The following GOLGA3 variants were observed in gnomAD, a reference collection of about 807,000 sequenced individuals.
GOLGA3 encodes golgin subfamily A member 3.
In GOLGA3, 75 loss-of-function variants were observed where a neutral mutation model predicts 169.4. That is an observed-to-expected ratio of 0.44 (90% CI 0.37 to 0.54). The LOEUF (loss-of-function observed/expected upper bound fraction) is 0.54, where lower values mean the gene tolerates loss of function less well. Ranked by LOEUF, GOLGA3 falls within the 20% of genes least tolerant of loss-of-function variation. The pLI is 0.00. For synonymous variants in GOLGA3, 824 were observed against 822.4 expected (o/e 1.00, Z -0.03); for missense variants, 1,899 against 1,930.0 (o/e 0.98, Z 0.30).
chr12:132,787,684 C>A (rs531282208), intron 13 of GOLGA3, among the ~76,000 whole-genome samples: 1,605 of 36,356 alleles, frequency 0.044, 60 homozygotes, highest in South Asian at 0.056. Flanking sequence ...CCCGGAGACC[C>A]CGGGACCCCT....
In GOLGA3 at chr12:132,775,129, G is replaced by T; in HGVS notation, c.4143+12C>A. 1 of 1,609,994 alleles carries T rather than the reference G, an allele frequency of 6.2e-7. No individual in the cohort carries two copies. The highest frequency in any genetic ancestry group is 1.1e-5 in the South Asian group (1 of 90,774). On this transcript the variant is annotated intron_variant, in intron 22 of 23. Transcript: ENST00000450791. ...ACGTCGGCTACCCCGGGAGGGACGC[G>T]GGCCTGAGTACCGTCTTGGCCGCGC...
Position 132,796,068 on chromosome 12 carries a change from C to G in GOLGA3, c.2253G>C (p.Gln751His). 2 of 1,613,028 alleles carry G rather than the reference C, an allele frequency of 1.2e-6. No homozygotes were observed. The highest frequency in any genetic ancestry group is 1.1e-5 in the South Asian group (1 of 91,086). ...CGCCCTGCAGCTCCCCCAGCCTGGCCTGCAGCTCATCGTAGTGTGTCTGCA... is the reference window on the plus strand; with the variant it reads ...CGCCCTGCAGCTCCCCCAGCCTGGCGTGCAGCTCATCGTAGTGTGTCTGCA... ...DALQTHYDEL[Q>H]ARLGELQGEA... The change falls in exon 11 of 24, where the codon CAG (glutamine) becomes CAC (histidine). Residue 751 changes from glutamine to histidine, a missense_variant. Transcript: ENST00000450791.
At chr12:132,776,903 C>A in intron 20 of GOLGA3, 55 bp downstream of exon 20, 1 of 1,547,204 alleles carries the variant, frequency 6.5e-7, no homozygotes, top group Non-Finnish European at 8.7e-7. Flanking sequence ...GGAGTGAAGT[C>A]ACCCAGGGCA....
At chr12:132,787,991 G>A (rs1041138529) in intron 13 of GOLGA3, among the ~76,000 whole-genome samples, 5 of 151,912 alleles carry the variant, frequency 3.3e-5, no homozygotes, top group South Asian at 2.1e-4. Context: ...TCCTGCCCTC[G>A]CAGCCTTTCC....
intron 8 of GOLGA3, among the ~76,000 whole-genome samples, chr12:132,799,329 A>T (rs902437763): frequency 6.6e-6 from 1 of 152,202 alleles, no homozygotes; most frequent in African/African-American, 2.4e-5. Context: ...TGATTAAGGA[A>T]TGCTGAACCT....
rs1221899942 is a variant in GOLGA3, at chr12:132,774,337, A to G, written c.4144-17T>C. 6.8e-6 allele frequency: 11 copies of G among 1,609,598 alleles called. No homozygotes were observed. Among genetic ancestry groups the G allele is most frequent in the Middle Eastern group, 1.7e-4 (1 of 6,034 alleles). On this transcript the variant is annotated splice_polypyrimidine_tract_variant and intron_variant, in intron 22 of 23. Transcript: ENST00000450791. ...CTCCTTTCTCTGTTTTTAAAAGCAC[A>G]TGATCAGCTTTCCCACCGTCCCCTC...
At chr12:132,800,061 C>G (rs1427872840) in intron 8 of GOLGA3, among the ~76,000 whole-genome samples, 1 of 152,152 alleles carries the variant, frequency 6.6e-6, no homozygotes, top group Non-Finnish European at 1.5e-5. Context: ...TTCTAAAATA[C>G]ACCTGGCTTG....
intron 8 of GOLGA3, among the ~76,000 whole-genome samples, chr12:132,798,694 G>A (rs1358120734): frequency 2.0e-5 from 3 of 152,142 alleles, no homozygotes; most frequent in African/African-American, 2.4e-5. Context: ...ATCAGCCAGC[G>A]CTCATCATGC....
At chr12:132,826,091 T>C (rs762924482) in intron 1 of GOLGA3, 1 of 1,466,162 alleles carries the variant, frequency 6.8e-7, no homozygotes. Context: ...AGTGGGCGAG[T>C]GCCGGCCTTG....
intron 7 of GOLGA3, among the ~76,000 whole-genome samples, chr12:132,802,189 A>G (rs1312831548): frequency 1.3e-5 from 2 of 152,282 alleles, no homozygotes; most frequent in Non-Finnish European, 2.9e-5. Flanking sequence ...AGGTTCCTGC[A>G]GGCCTCTGCT....
intron 13 of GOLGA3, among the ~76,000 whole-genome samples, chr12:132,787,750 C>CCGGGACCCCTCCCCGGAGACCA (rs1566088049): frequency 1.4e-4 from 6 of 44,040 alleles, no homozygotes; most frequent in Non-Finnish European, 2.6e-4. Flanking sequence ...CCCGGAGACC[C>CCGGGACCCCTCCCCGGAGACCA]CGGGACCCCT....
At chr12:132,821,891 GA>G in intron 2 of GOLGA3, 104 bp downstream of exon 2, 1 of 638,088 alleles carries the variant, frequency 1.6e-6, no homozygotes, top group Non-Finnish European at 2.7e-6. Flanking sequence ...TGAATTAAGT[GA>G]AAAGCTCACA....
intron 2 of GOLGA3, among the ~76,000 whole-genome samples, chr12:132,817,224 A>T (rs1397830817): frequency 5.9e-4 from 56 of 95,148 alleles, no homozygotes; most frequent in African/African-American, 7.0e-4. Context: ...CGCCCTCCAC[A>T]CCTCCACGCT....
At position 132,807,887 on chromosome 12, in the gene GOLGA3, C is replaced by G; in HGVS notation, c.1178+4G>C. 1.3e-6 allele frequency: 2 copies of G among 1,590,430 alleles called. No individual in the cohort carries two copies. Among genetic ancestry groups the G allele is most frequent in the South Asian group, 2.2e-5 (2 of 89,590 alleles). On this transcript the variant is annotated splice_donor_region_variant and intron_variant, in intron 5 of 23. Coordinates refer to ENST00000450791, the MANE Select transcript of GOLGA3 (RefSeq NM_001389683.1). ...ACCCCGCCCACCTCTGCTGTCCCCA[C>G]CACCTGCTGCAGATGCTGTCTCTCC...
intron 13 of GOLGA3, among the ~76,000 whole-genome samples, chr12:132,788,043 G>A (rs1421444291): frequency 6.6e-6 from 1 of 152,044 alleles, no homozygotes; most frequent in Non-Finnish European, 1.5e-5. Context: ...ACCAGCCCAG[G>A]CCTGCAGCTG....
chr12:132,798,539 C>A, intron 8 of GOLGA3, 62 bp from the exon 9 acceptor site: 2 of 1,517,380 alleles, frequency 1.3e-6, no homozygotes, highest in South Asian at 1.2e-5. Flanking sequence ...TGCAGACCAG[C>A]CTGTCCCTGG....
chr12:132,787,874 CG>C (rs1566088513), intron 13 of GOLGA3, among the ~76,000 whole-genome samples: 3 of 128,862 alleles, frequency 2.3e-5, no homozygotes, highest in African/African-American at 7.5e-5. Context: ...GACCCCTTCC[CG>C]AGACCCCAGG....
At chr12:132,794,624 C>T (rs1948735623) in intron 11 of GOLGA3, among the ~76,000 whole-genome samples, 1 of 149,870 alleles carries the variant, frequency 6.7e-6, no homozygotes, top group Non-Finnish European at 1.5e-5. Context: ...TGAGAAATAA[C>T]ATATAGCTCC....
chr12:132,812,016 A>C (rs1239455227), intron 4 of GOLGA3, among the ~76,000 whole-genome samples: 7 of 149,718 alleles, frequency 4.7e-5, no homozygotes, highest in Non-Finnish European at 3.0e-5. Context: ...AAAAAAAAAA[A>C]AAAAAAACAT....
Sources: gnomAD v4.1 joint callset for allele counts (sites outside exome capture counted in the v4.1 genomes callset) on GRCh38, gnomAD v4.1.1 for gene constraint, MANE v1.5 for transcripts, NCBI Gene and HGNC (gene_info 2026-07-23, HGNC 2026-07-21) for gene names.